HIBADH: variants seen among roughly 807,000 people sequenced by gnomAD.
HIBADH encodes 3-hydroxyisobutyrate dehydrogenase, also known as 3-hydroxyisobutyrate dehydrogenase, mitochondrial.
HIBADH carries 25 observed loss-of-function variants against 36.1 expected under a neutral mutation model. That is an observed-to-expected ratio of 0.69 (90% CI 0.50 to 0.97). The LOEUF (loss-of-function observed/expected upper bound fraction) is 0.97, where lower values mean the gene tolerates loss of function less well. HIBADH is among the 50% of genes least tolerant of loss of function. The pLI is 0.00. For synonymous variants in HIBADH, 160 were observed against 149.5 expected, an observed-to-expected ratio of 1.07 and a Z score of -0.51; for missense variants, 421 against 418.0, an observed-to-expected ratio of 1.01 and a Z score of -0.06.
chr7:27,658,639 A>T (rs1209294094), intron 1 of HIBADH, among the ~76,000 whole-genome samples: 1 of 152,194 alleles, frequency 6.6e-6, no homozygotes, highest in African/African-American at 2.4e-5. Flanking sequence ...CTAGAATGAA[A>T]AAGTATACAG....
At chr7:27,542,689 T>A (rs1240734661) in intron 5 of HIBADH, among the ~76,000 whole-genome samples, 1 of 151,886 alleles carries the variant, frequency 6.6e-6, no homozygotes, top group Non-Finnish European at 1.5e-5. Context: ...TGGGCTTGAG[T>A]GATCCTCCTG....
At chr7:27,576,481 A>G (rs913214291) in intron 4 of HIBADH, among the ~76,000 whole-genome samples, 3 of 152,326 alleles carry the variant, frequency 2.0e-5, no homozygotes, top group Non-Finnish European at 2.9e-5. Flanking sequence ...TCCACACTGT[A>G]ATTTATTGGC....
chr7:27,652,664 C>T (rs1181748869), intron 1 of HIBADH, among the ~76,000 whole-genome samples: 1 of 152,186 alleles, frequency 6.6e-6, no homozygotes, highest in African/African-American at 2.4e-5. Flanking sequence ...GGTCCACTTC[C>T]TCGTTTGCTG....
intron 4 of HIBADH, among the ~76,000 whole-genome samples, chr7:27,578,507 G>C (rs974281464): frequency 2.6e-5 from 4 of 152,168 alleles, no homozygotes; most frequent in Admixed American, 6.5e-5. Context: ...AGTAGAGACA[G>C]GGTTTCACCA....
intron 4 of HIBADH, among the ~76,000 whole-genome samples, chr7:27,620,234 C>T (rs1025357412): frequency 1.3e-5 from 2 of 152,184 alleles, no homozygotes; most frequent in African/African-American, 4.8e-5. Flanking sequence ...TGGGGGGAAT[C>T]GCTTGAACCC....
intron 4 of HIBADH, among the ~76,000 whole-genome samples, chr7:27,591,330 T>A (rs1311396455): frequency 6.6e-6 from 1 of 152,082 alleles, no homozygotes; most frequent in Non-Finnish European, 1.5e-5. Flanking sequence ...GGCAGGCGGA[T>A]CACGAGGTCA....
Position 27,545,611 on chromosome 7 carries a change from C to T in HIBADH, c.485-2511G>A, listed in dbSNP as rs57054162. Reference sequence around the variant, plus strand: ...AAAATGAAGAAATTTATTACAATGACACGCCATTTTGATTCTAGTCCATTT... The same window carrying T: ...AAAATGAAGAAATTTATTACAATGATACGCCATTTTGATTCTAGTCCATTT... On this transcript the variant is annotated intron_variant, in intron 4 of 7. Transcript: ENST00000265395. Among the ~76,000 whole-genome samples, 190 of 152,250 alleles carry T rather than the reference C, an allele frequency of 1.2e-3. 9 individuals are homozygous for T. In the East Asian group the frequency reaches 0.035, roughly 28 times the overall value.
At chr7:27,617,743 A>G (rs1785455686) in intron 4 of HIBADH, among the ~76,000 whole-genome samples, 2 of 152,190 alleles carry the variant, frequency 1.3e-5, no homozygotes, top group African/African-American at 4.8e-5. Context: ...TTGCGATATG[A>G]ACCACAAGAG....
intron 7 of HIBADH, among the ~76,000 whole-genome samples, chr7:27,527,775 A>C (rs1161935456): frequency 1.9e-5 from 2 of 103,150 alleles, no homozygotes; most frequent in South Asian, 6.4e-4. Flanking sequence ...TTTGAGACGG[A>C]GTTTCTCTCT....
At chr7:27,657,614 T>TA (rs993875611) in intron 1 of HIBADH, among the ~76,000 whole-genome samples, 2 of 152,060 alleles carry the variant, frequency 1.3e-5, no homozygotes, top group African/African-American at 2.4e-5. Flanking sequence ...TGAATGAAGA[T>TA]AAAGTTTTCA....
At chr7:27,533,063 A>G (rs1403574015) in intron 6 of HIBADH, among the ~76,000 whole-genome samples, 10 of 152,192 alleles carry the variant, frequency 6.6e-5, no homozygotes, top group Non-Finnish European at 1.0e-4. Context: ...CTCCATTTGA[A>G]ATATAATTTC....
intron 6 of HIBADH, among the ~76,000 whole-genome samples, chr7:27,537,088 TAA>T (rs1784080475): frequency 6.6e-6 from 1 of 152,146 alleles, no homozygotes; most frequent in African/African-American, 2.4e-5. Flanking sequence ...TCAATTATGA[TAA>T]GTGACCCATA....
At chr7:27,581,770 A>C (rs533751122) in intron 4 of HIBADH, among the ~76,000 whole-genome samples, 3 of 152,178 alleles carry the variant, frequency 2.0e-5, no homozygotes, top group Non-Finnish European at 4.4e-5. Flanking sequence ...TTCAGCACTT[A>C]AAGACCACCA....
At chr7:27,549,817 A>G (rs139025095) in intron 4 of HIBADH, among the ~76,000 whole-genome samples, 1 of 152,364 alleles carries the variant, frequency 6.6e-6, no homozygotes, top group Admixed American at 6.5e-5. Flanking sequence ...TATTTGATAT[A>G]AGAATGAAAA....
intron 4 of HIBADH, among the ~76,000 whole-genome samples, chr7:27,589,604 C>T (rs1273444133): frequency 6.6e-6 from 1 of 152,126 alleles, no homozygotes; most frequent in Non-Finnish European, 1.5e-5. Flanking sequence ...AGGATATATG[C>T]CCACTATGCA....
intron 4 of HIBADH, among the ~76,000 whole-genome samples, chr7:27,569,751 C>G (rs879393896): frequency 6.6e-6 from 1 of 151,888 alleles, no homozygotes; most frequent in Admixed American, 6.6e-5. Flanking sequence ...GGCCAAACAG[C>G]AAGAGAATTA....
chr7:27,649,267 A>C (rs1786132786), intron 2 of HIBADH: 5 of 408,366 alleles, frequency 1.2e-5, no homozygotes, highest in Non-Finnish European at 2.1e-5. Context: ...GTCACCTGCC[A>C]AAGAATAGAT....
chr7:27,641,001 C>G (rs2128295807), intron 2 of HIBADH, among the ~76,000 whole-genome samples: 1 of 152,208 alleles, frequency 6.6e-6, no homozygotes, highest in Middle Eastern at 3.4e-3. Context: ...TCATAATATT[C>G]TAAAATACTT....
chr7:27,605,197 A>G (rs892810123), intron 4 of HIBADH, among the ~76,000 whole-genome samples: 4 of 152,140 alleles, frequency 2.6e-5, no homozygotes, highest in Admixed American at 2.0e-4. Flanking sequence ...ACACTTTTAT[A>G]AAATTTATAA....
Sources: gnomAD v4.1 joint callset for allele counts (sites outside exome capture counted in the v4.1 genomes callset) on GRCh38, gnomAD v4.1.1 for gene constraint, MANE v1.5 for transcripts, NCBI Gene and HGNC (gene_info 2026-07-23, HGNC 2026-07-21) for gene names.